TTLL5: variants seen among roughly 807,000 people sequenced by gnomAD.
TTLL5 encodes tubulin tyrosine ligase like 5.
A neutral mutation model predicts 168.4 loss-of-function variants in TTLL5; 132 were observed. The ratio of observed to expected loss-of-function variants is 0.78; its 90% CI spans 0.68 to 0.91. The LOEUF (loss-of-function observed/expected upper bound fraction) is 0.91, where lower values mean the gene tolerates loss of function less well. Ranked by LOEUF, TTLL5 falls within the 40% of genes least tolerant of loss-of-function variation. The probability of loss-of-function intolerance (pLI) is 0.00; values close to 1 mark genes in which losing one functional copy is unlikely to be tolerated. For synonymous variants in TTLL5, 546 were observed against 558.6 expected (o/e 0.98, Z 0.32); for missense variants, 1,545 against 1,581.5 (o/e 0.98, Z 0.39).
At chr14:75,707,742 G>T in intron 9 of TTLL5, 35 bp downstream of exon 9, 2 of 1,523,656 alleles carry the variant, frequency 1.3e-6, no homozygotes, top group South Asian at 1.1e-5. Flanking sequence ...GGGTTGGGTG[G>T]GTATATTAAG....
intron 17 of TTLL5, among the ~76,000 whole-genome samples, chr14:75,748,264 A>G (rs1323343606): frequency 1.4e-5 from 2 of 139,194 alleles, no homozygotes; most frequent in Non-Finnish European, 3.1e-5. Context: ...TGTTTGAATC[A>G]CTTTTAAACT....
chr14:75,825,209 AAAAGAAAG>A (rs761440217), intron 28 of TTLL5, among the ~76,000 whole-genome samples: 1 of 152,178 alleles, frequency 6.6e-6, no homozygotes, highest in Non-Finnish European at 1.5e-5. Context: ...CTTTCCAGAA[AAAAGAAAG>A]AAAGAAAGAA....
chr14:75,846,108 C>T (rs1198500457), intron 28 of TTLL5, among the ~76,000 whole-genome samples: 6 of 152,182 alleles, frequency 3.9e-5, no homozygotes, highest in Non-Finnish European at 7.3e-5. Flanking sequence ...GGGCAGAAAA[C>T]ATCAGTAGCC....
chr14:75,869,135 T>C (rs1021993424), intron 29 of TTLL5, among the ~76,000 whole-genome samples: 8 of 151,910 alleles, frequency 5.3e-5, no homozygotes, highest in Admixed American at 2.0e-4. Context: ...TTTGTTTGGT[T>C]GGTTCTTTTG....
In TTLL5 at chr14:75,720,718, G is replaced by A; in HGVS notation, c.1042+15G>A. On this transcript the variant is annotated intron_variant, in intron 12 of 31. Coordinates refer to ENST00000298832, the MANE Select transcript of TTLL5 (RefSeq NM_015072.5). ...CAGTTGTTTTGGTAAGGAGACTCAA[G>A]AAGCTTAACATGTTTTGTGAAGAGG... is the stretch of plus-strand genomic sequence containing the variant. 1 of 1,601,398 alleles carries A rather than the reference G, an allele frequency of 6.2e-7. No homozygotes were observed.
chr14:75,807,596 A>G (rs965016014), intron 27 of TTLL5, among the ~76,000 whole-genome samples: 5 of 152,184 alleles, frequency 3.3e-5, no homozygotes, highest in African/African-American at 9.7e-5. Flanking sequence ...CTTTTTGCCA[A>G]TTAAGATGAA....
At chr14:75,935,458 G>A (rs1405366054) in intron 31 of TTLL5, among the ~76,000 whole-genome samples, 3 of 152,210 alleles carry the variant, frequency 2.0e-5, no homozygotes, top group Non-Finnish European at 4.4e-5. Context: ...TCTCCAGGCT[G>A]CATGACAACA....
chr14:75,811,947 C>A (rs1261558666), intron 27 of TTLL5, among the ~76,000 whole-genome samples: 2 of 152,190 alleles, frequency 1.3e-5, no homozygotes, highest in African/African-American at 4.8e-5. Flanking sequence ...TGGCCTCTTT[C>A]TCTGGGTTTC....
At chr14:75,823,111 G>A (rs1293594443) in intron 28 of TTLL5, among the ~76,000 whole-genome samples, 1 of 152,188 alleles carries the variant, frequency 6.6e-6, no homozygotes, top group African/African-American at 2.4e-5. Flanking sequence ...TTATACAGTA[G>A]GGACTCCAGG....
At chr14:75,850,013 G>C (rs899871747) in intron 28 of TTLL5, among the ~76,000 whole-genome samples, 1 of 151,984 alleles carries the variant, frequency 6.6e-6, no homozygotes, top group African/African-American at 2.4e-5. Context: ...AGCTGAGGTG[G>C]GAGGATTGCT....
intron 27 of TTLL5, among the ~76,000 whole-genome samples, chr14:75,801,792 T>C (rs1395311410): frequency 6.6e-6 from 1 of 152,240 alleles, no homozygotes; most frequent in African/African-American, 2.4e-5. Flanking sequence ...TTACTAACAG[T>C]TTCCCTTTTT....
At chr14:75,903,914 A>G (rs1182921820) in intron 31 of TTLL5, among the ~76,000 whole-genome samples, 3 of 151,828 alleles carry the variant, frequency 2.0e-5, no homozygotes, top group Non-Finnish European at 4.4e-5. Flanking sequence ...AAAAAAAAAA[A>G]AAGCCAGTTA....
chr14:75,682,957 GAGA>G (rs1219871504), intron 4 of TTLL5, among the ~76,000 whole-genome samples: 1 of 151,914 alleles, frequency 6.6e-6, no homozygotes, highest in Non-Finnish European at 1.5e-5. Flanking sequence ...TTTTTTTATA[GAGA>G]CAGGGTCTTA....
At chr14:75,697,996 A>G (rs541211448) in intron 6 of TTLL5, among the ~76,000 whole-genome samples, 2 of 152,326 alleles carry the variant, frequency 1.3e-5, no homozygotes, top group South Asian at 2.1e-4. Flanking sequence ...TTCATTGAAG[A>G]AAAATACCAA....
At chr14:75,810,407 A>G (rs1747013587) in intron 27 of TTLL5, among the ~76,000 whole-genome samples, 1 of 152,038 alleles carries the variant, frequency 6.6e-6, no homozygotes, top group African/African-American at 2.4e-5. Flanking sequence ...CTAGAGTGCC[A>G]CCCAGGCTGG....
chr14:75,672,232 ATTTTAT>A, intron 3 of TTLL5, among the ~76,000 whole-genome samples: 1 of 152,120 alleles, frequency 6.6e-6, no homozygotes, highest in South Asian at 2.1e-4. Flanking sequence ...AATTGCTAGT[ATTTTAT>A]TTTATTTTGT....
chr14:75,776,424 A>G (rs1891728562), intron 22 of TTLL5, among the ~76,000 whole-genome samples: 1 of 152,222 alleles, frequency 6.6e-6, no homozygotes, highest in Non-Finnish European at 1.5e-5. Context: ...TCATATTGTT[A>G]AAGCTACAAG....
At chr14:75,663,812 G>A (rs1014331400) in intron 2 of TTLL5, among the ~76,000 whole-genome samples, 27 of 152,178 alleles carry the variant, frequency 1.8e-4, no homozygotes, top group African/African-American at 6.5e-4. Context: ...AGCTAGGTGT[G>A]TTGGCTTATG....
In TTLL5 at chr14:75,663,234, G is replaced by A; in HGVS notation, c.74+11G>A. 6.2e-7 allele frequency: 1 copy of A among 1,608,376 alleles called. No homozygotes were observed. Among genetic ancestry groups the A allele is most frequent in the Non-Finnish European group, 8.5e-7 (1 of 1,177,390 alleles). ...GGTCATAAGTCAAGAGTAAGTAATA[G>A]CAAGCCTGCTTTCAACCTGTGCTTT... On this transcript the variant is annotated intron_variant, in intron 2 of 31. Coordinates refer to ENST00000298832, the MANE Select transcript of TTLL5 (RefSeq NM_015072.5).
Sources: allele counts gnomAD v4.1 joint callset (sites outside exome capture counted in the v4.1 genomes callset), GRCh38; gene constraint gnomAD v4.1.1; transcripts MANE v1.5; gene names NCBI Gene and HGNC (gene_info 2026-07-23, HGNC 2026-07-21).